Variants in PDE8A observed in about 807,000 individuals in gnomAD.
PDE8A encodes phosphodiesterase 8A.
A neutral mutation model predicts 105.0 loss-of-function variants in PDE8A; 59 were observed. The observed-to-expected ratio is 0.56, with a 90% CI of 0.46 to 0.70. The LOEUF (loss-of-function observed/expected upper bound fraction) is 0.70, where lower values mean the gene tolerates loss of function less well. PDE8A is among the 30% of genes least tolerant of loss of function. The probability of loss-of-function intolerance (pLI) is 0.00; values close to 1 mark genes in which losing one functional copy is unlikely to be tolerated. For missense variants in PDE8A, 1,014 were observed against 1,045.9 expected (o/e 0.97, Z 0.42); for synonymous variants, 355 against 371.9 (o/e 0.95, Z 0.52).
chr15:85,098,065 A>C (rs1288119708), intron 9 of PDE8A, 29 bp downstream of exon 9: 1 of 1,258,056 alleles, frequency 7.9e-7, no homozygotes. Context: ...TACATCAATC[A>C]ACATACAGTG....
chr15:85,048,061 C>T (rs1357503289), intron 1 of PDE8A, among the ~76,000 whole-genome samples: 2 of 152,094 alleles, frequency 1.3e-5, no homozygotes, highest in Non-Finnish European at 2.9e-5. Context: ...GCAGTAGTAT[C>T]CTGTAAGTCT....
intron 1 of PDE8A, among the ~76,000 whole-genome samples, chr15:85,046,273 T>G (rs1488694079): frequency 6.6e-6 from 1 of 152,080 alleles, no homozygotes; most frequent in African/African-American, 2.4e-5. Context: ...GGTCTTGAGC[T>G]CCTGACCTCA....
chr15:85,032,323 C>G (rs2080629078), intron 1 of PDE8A, among the ~76,000 whole-genome samples: 1 of 152,170 alleles, frequency 6.6e-6, no homozygotes, highest in South Asian at 2.1e-4. Flanking sequence ...ATTGTCCATC[C>G]ATGGTATAAG....
intron 1 of PDE8A, among the ~76,000 whole-genome samples, chr15:85,004,040 C>G (rs906312677): frequency 1.3e-5 from 2 of 152,322 alleles, no homozygotes; most frequent in African/African-American, 4.8e-5. Context: ...TACTTACTTT[C>G]CATTGGCCAC....
intron 1 of PDE8A, among the ~76,000 whole-genome samples, chr15:85,015,627 C>T (rs577717730): frequency 2.0e-5 from 3 of 152,292 alleles, no homozygotes; most frequent in Non-Finnish European, 2.9e-5. Flanking sequence ...TGTGATATCT[C>T]ACTATGGTTT....
intron 1 of PDE8A, among the ~76,000 whole-genome samples, chr15:85,003,180 C>G (rs2080092875): frequency 6.6e-6 from 1 of 152,148 alleles, no homozygotes; most frequent in Non-Finnish European, 1.5e-5. Flanking sequence ...AAGGGAAGGA[C>G]ATGGGTATGC....
intron 1 of PDE8A, among the ~76,000 whole-genome samples, chr15:84,996,321 A>G (rs1447914251): frequency 6.6e-6 from 1 of 151,812 alleles, no homozygotes; most frequent in East Asian, 1.9e-4. Context: ...GGGGCTATAG[A>G]TGTATGCCAC....
In PDE8A at chr15:85,116,114, C is replaced by A. The variant is rs1166429322; in HGVS notation, c.1530C>A (p.His510Gln). 1.9e-6 allele frequency: 3 copies of A among 1,613,968 alleles called. No homozygotes were observed. In the South Asian group the frequency reaches 3.3e-5, roughly 18 times the overall value. ...TTTTTGAACTGGAGGCTGCCACCCACAATAGGTGAGTTCATGCAGAGCTCA... is the reference window on the plus strand; with the variant it reads ...TTTTTGAACTGGAGGCTGCCACCCAAAATAGGTGAGTTCATGCAGAGCTCA... Reference protein sequence around the residue: ...FDIFELEAATHNRPLIYLGLK... With the variant: ...FDIFELEAATQNRPLIYLGLK... The change falls in exon 16 of 22, where the codon CAC becomes CAA. Residue 510 changes from histidine (H) to glutamine (Q), a missense_variant. Physicochemically the swap from His to Gln is conservative, Grantham distance 24. Transcript: ENST00000394553.
At chr15:84,983,698 A>G (rs764736531) in intron 1 of PDE8A, among the ~76,000 whole-genome samples, 17 of 152,372 alleles carry the variant, frequency 1.1e-4, no homozygotes, top group Non-Finnish European at 2.4e-4. Flanking sequence ...AAAGTGTTAC[A>G]CAGGTGCATA....
chr15:85,115,404 A>G, intron 14 of PDE8A, 35 bp from the exon 15 acceptor site: 1 of 1,422,822 alleles, frequency 7.0e-7, no homozygotes, highest in African/African-American at 1.4e-5. Context: ...AATAGTTGTG[A>G]CTTTTCTTTT....
chr15:85,054,537 A>G (rs35134026), intron 1 of PDE8A, among the ~76,000 whole-genome samples: 70,667 of 151,852 alleles, frequency 0.47, 16,564 homozygotes, highest in Middle Eastern at 0.54. Flanking sequence ...TCCTGGTTTA[A>G]CCTTTGGAGG....
intron 3 of PDE8A, among the ~76,000 whole-genome samples, chr15:85,070,695 AG>A (rs1371280017): frequency 6.6e-6 from 1 of 152,210 alleles, no homozygotes; most frequent in African/African-American, 2.4e-5. Flanking sequence ...AGTAGGTGTC[AG>A]GGGAGGTTGG....
At chr15:85,098,228 A>G (rs1177637935) in intron 9 of PDE8A, among the ~76,000 whole-genome samples, 192 bp downstream of exon 9, 4 of 152,240 alleles carry the variant, frequency 2.6e-5, no homozygotes, top group Admixed American at 2.0e-4. Context: ...CTTGCAGCCC[A>G]GAGCCAACAT....
At chr15:84,989,570 T>C (rs1203311018) in intron 1 of PDE8A, among the ~76,000 whole-genome samples, 1 of 152,206 alleles carries the variant, frequency 6.6e-6, no homozygotes, top group African/African-American at 2.4e-5. Flanking sequence ...ATGTGTGTTT[T>C]GGGTCCAGCT....
intron 1 of PDE8A, among the ~76,000 whole-genome samples, chr15:85,047,952 A>G (rs1226218250): frequency 2.0e-5 from 3 of 152,104 alleles, no homozygotes; most frequent in Non-Finnish European, 2.9e-5. Flanking sequence ...TTAAGTTTGT[A>G]CTGTTGATTT....
chr15:85,053,583 A>G (rs1030798339), intron 1 of PDE8A, among the ~76,000 whole-genome samples: 12 of 152,330 alleles, frequency 7.9e-5, no homozygotes, highest in South Asian at 2.1e-4. Flanking sequence ...CTTGGAAGCA[A>G]TTGTGAATGG....
intron 8 of PDE8A, among the ~76,000 whole-genome samples, chr15:85,096,236 T>C (rs2081749924): frequency 6.6e-6 from 1 of 152,134 alleles, no homozygotes; most frequent in East Asian, 1.9e-4. Context: ...TTCTCTCTCT[T>C]TTTTTAATGT....
chr15:85,086,637 C>A (rs912509792), intron 6 of PDE8A, among the ~76,000 whole-genome samples: 1 of 151,954 alleles, frequency 6.6e-6, no homozygotes, highest in Non-Finnish European at 1.5e-5. Context: ...ACCGTATCTG[C>A]GAAAGTTAAA....
At chr15:85,116,319 A>G (rs1054398569) in intron 16 of PDE8A, 200 bp downstream of exon 16, 2 of 551,282 alleles carry the variant, frequency 3.6e-6, no homozygotes, top group Non-Finnish European at 6.4e-6. Flanking sequence ...TGGCACATTC[A>G]TGGAAAGCAT....
Sources: allele counts gnomAD v4.1 joint callset (sites outside exome capture counted in the v4.1 genomes callset), GRCh38; gene constraint gnomAD v4.1.1; transcripts MANE v1.5; gene names NCBI Gene and HGNC (gene_info 2026-07-23, HGNC 2026-07-21).